GABRA2: variants seen among roughly 807,000 people sequenced by gnomAD.
GABRA2 encodes the protein gamma-aminobutyric acid type A receptor subunit alpha2.
Under a neutral mutation model 48.7 loss-of-function variants are expected in GABRA2, and 16 were observed. That is an observed-to-expected ratio of 0.33 (90% CI 0.22 to 0.50). The LOEUF (loss-of-function observed/expected upper bound fraction) is 0.50. Ranked by LOEUF, GABRA2 falls within the 20% of genes least tolerant of loss-of-function variation. GABRA2 has a pLI of 0.98. For synonymous variants in GABRA2, 185 were observed against 184.5 expected (o/e 1.00, Z -0.02); for missense variants, 275 against 535.6 (o/e 0.51, Z 4.80).
chr4:46,270,860 T>C (rs1258517092), intron 8 of GABRA2, among the ~76,000 whole-genome samples: 2 of 151,846 alleles, frequency 1.3e-5, no homozygotes, highest in East Asian at 3.9e-4. Context: ...CTAAGGTAGG[T>C]AGTTTAACAT....
At chr4:46,302,763 C>T (rs1725964414) in intron 8 of GABRA2, 2 of 152,220 alleles carry the variant, frequency 1.3e-5, no homozygotes, top group African/African-American at 2.4e-5. Flanking sequence ...CTTCTCCTGG[C>T]TTATATGTGC....
intron 3 of GABRA2, among the ~76,000 whole-genome samples, chr4:46,338,008 C>A (rs1732551378): frequency 6.6e-6 from 1 of 151,830 alleles, no homozygotes; most frequent in Non-Finnish European, 1.5e-5. Context: ...ACAGCAAAAT[C>A]CTTTCTGTAA....
chr4:46,298,494 T>G lies in GABRA2; in HGVS notation c.856+4966A>C, dbSNP rs1725154125. On this transcript the variant is annotated intron_variant, in intron 8 of 9. Coordinates refer to ENST00000381620, the MANE Select transcript of GABRA2 (RefSeq NM_000807.4). ...ATGCTTAGAATTGAACTTGTTCTAA[T>G]TTTTTGATATCGTTCATTTAGAGAG... Among the ~76,000 whole-genome samples, 4 of 152,070 alleles carry G rather than the reference T, an allele frequency of 2.6e-5. No individual in the cohort carries two copies. The South Asian group carries it at 8.3e-4, about 31-fold the overall frequency.
intron 3 of GABRA2, among the ~76,000 whole-genome samples, chr4:46,377,260 G>A (rs1162335758): frequency 2.0e-5 from 3 of 151,198 alleles, no homozygotes; most frequent in Admixed American, 1.3e-4. Context: ...GAGCATCTCT[G>A]CCCGGCCGCC....
intron 8 of GABRA2, among the ~76,000 whole-genome samples, chr4:46,266,361 A>C (rs1025982218): frequency 6.0e-4 from 89 of 148,398 alleles, no homozygotes; most frequent in African/African-American, 2.1e-3. Flanking sequence ...ATAAATATAA[A>C]ATAAATTTTA....
At chr4:46,293,793 C>T (rs1724126946) in intron 8 of GABRA2, among the ~76,000 whole-genome samples, 1 of 152,152 alleles carries the variant, frequency 6.6e-6, no homozygotes, top group Non-Finnish European at 1.5e-5. Context: ...TTAGTGCCAC[C>T]ATCAAGGACT....
chr4:46,372,365 G>A (rs1038725114), intron 3 of GABRA2, among the ~76,000 whole-genome samples: 2 of 152,174 alleles, frequency 1.3e-5, no homozygotes, highest in African/African-American at 2.4e-5. Context: ...ATAAGGAACA[G>A]ATGATTCCAC....
At chr4:46,375,921 T>A (rs932090323) in intron 3 of GABRA2, among the ~76,000 whole-genome samples, 44 of 152,212 alleles carry the variant, frequency 2.9e-4, no homozygotes, top group Non-Finnish European at 5.6e-4. Flanking sequence ...GCTACAAAAC[T>A]TGGCTAACTC....
At chr4:46,373,252 T>C (rs1002433800) in intron 3 of GABRA2, among the ~76,000 whole-genome samples, 1 of 152,160 alleles carries the variant, frequency 6.6e-6, no homozygotes, top group Non-Finnish European at 1.5e-5. Flanking sequence ...CCCCTATATT[T>C]CACAGATTGT....
chr4:46,342,304 G>A (rs140160672), intron 3 of GABRA2, among the ~76,000 whole-genome samples: 19 of 152,118 alleles, frequency 1.2e-4, no homozygotes, highest in African/African-American at 3.6e-4. Context: ...CTCTTGTTGC[G>A]TTTATGCAGG....
At chr4:46,364,023 G>C (rs1028619008) in intron 3 of GABRA2, 26 of 152,194 alleles carry the variant, frequency 1.7e-4, no homozygotes, top group African/African-American at 6.3e-4. Flanking sequence ...ATATTTTGTA[G>C]GTAAAGTGTC....
rs115638412 is a variant in GABRA2, at chr4:46,301,080, T to G, written c.856+2380A>C. On this transcript the variant is annotated intron_variant, in intron 8 of 9. Transcript: ENST00000381620. ...GCATGTGACTATAGCTAACAATGTA[T>G]TGTCTTCTTAAAATTTGCAGTGAGG... 7.6e-3 allele frequency among the ~76,000 whole-genome samples: 1,152 copies of G among 152,238 alleles called. 15 individuals carry two copies. Among genetic ancestry groups the G allele is most frequent in the African/African-American group, 0.026 (1,083 of 41,548 alleles).
At chr4:46,384,034 G>A (rs1005806644) in intron 3 of GABRA2, among the ~76,000 whole-genome samples, 1 of 152,080 alleles carries the variant, frequency 6.6e-6, no homozygotes, top group Non-Finnish European at 1.5e-5. Flanking sequence ...TACACTTTTT[G>A]TTTATATAAT....
chr4:46,385,250 T>G (rs1380969800), intron 3 of GABRA2, among the ~76,000 whole-genome samples: 1 of 151,754 alleles, frequency 6.6e-6, no homozygotes, highest in Admixed American at 6.6e-5. Flanking sequence ...AAATCTTGTA[T>G]TAGTATCAAC....
rs1037289721 is a variant in GABRA2 at position 46,244,542 on chromosome 4, C to T, written c.*5766G>A. ...TGGCATCCCTTGGGATCAATTCAGG[C>T]GTCATTCTATAAACGGTAACTTACA... On this transcript the variant is annotated 3_prime_UTR_variant, in exon 10 of 10. Coordinates refer to ENST00000381620, the MANE Select transcript of GABRA2 (RefSeq NM_000807.4). Among the ~76,000 whole-genome samples, 2 of 151,492 alleles carry T rather than the reference C, an allele frequency of 1.3e-5. No homozygotes were observed. Among genetic ancestry groups the T allele is most frequent in the African/African-American group, 4.8e-5 (2 of 41,462 alleles).
At chr4:46,299,719 T>A (rs1252919673) in intron 8 of GABRA2, among the ~76,000 whole-genome samples, 1 of 151,504 alleles carries the variant, frequency 6.6e-6, no homozygotes, top group Admixed American at 6.6e-5. Flanking sequence ...ACAAGTATTT[T>A]CTTTAGGTAC....
chr4:46,310,314 C>T (rs1206436672), intron 5 of GABRA2, 59 bp from the exon 6 acceptor site: 22 of 1,213,890 alleles, frequency 1.8e-5, no homozygotes, highest in Non-Finnish European at 2.1e-5. Flanking sequence ...AAAAATCACT[C>T]GTCATTACTC....
At chr4:46,335,518 GGC>G (rs1732075193) in intron 3 of GABRA2, among the ~76,000 whole-genome samples, 3 of 152,104 alleles carry the variant, frequency 2.0e-5, no homozygotes, top group Admixed American at 2.0e-4. Flanking sequence ...TTATTGCCCA[GGC>G]TGGAGTGCAG....
chr4:46,259,743 C>CTGG lies in GABRA2; in HGVS notation c.1059+2180_1059+2182dup, dbSNP rs199626681. ...TCAAAACAAAAGGACTTCCATAAGC[C>CTGG]TGGTTAGTCAGAAAGGACACTAAAA... On this transcript the variant is annotated intron_variant, in intron 9 of 9. Transcript: ENST00000381620. Among the ~76,000 whole-genome samples, 550 of 151,856 alleles carry CTGG rather than the reference C, an allele frequency of 3.6e-3. 8 individuals are homozygous for CTGG. The highest frequency in any genetic ancestry group is 0.013 in the African/African-American group (524 of 41,514).
Sources: gnomAD v4.1 joint callset for allele counts (sites outside exome capture counted in the v4.1 genomes callset) on GRCh38, gnomAD v4.1.1 for gene constraint, MANE v1.5 for transcripts, NCBI Gene and HGNC (gene_info 2026-07-23, HGNC 2026-07-21) for gene names.